MACROD2: variants seen among roughly 807,000 people sequenced by gnomAD.
MACROD2 encodes ADP-ribose glycohydrolase MACROD2.
MACROD2 carries 36 observed loss-of-function variants against 70.4 expected under a neutral mutation model. That is an observed-to-expected ratio of 0.51 (90% CI 0.39 to 0.68). MACROD2 has a LOEUF of 0.68. MACROD2 is among the 30% of genes least tolerant of loss of function. The pLI is 0.00. For synonymous variants in MACROD2, 172 were observed against 178.8 expected (o/e 0.96, Z 0.30); for missense variants, 496 against 538.4 (o/e 0.92, Z 0.78).
At chr20:14,238,391 G>A (rs974339112) in intron 3 of MACROD2, among the ~76,000 whole-genome samples, 23 of 152,022 alleles carry the variant, frequency 1.5e-4, no homozygotes, top group South Asian at 1.2e-3. Context: ...CACACCAGGC[G>A]TTGAAGGAAC....
chr20:14,413,552 A>G (rs1362206074), intron 3 of MACROD2, among the ~76,000 whole-genome samples: 1 of 152,278 alleles, frequency 6.6e-6, no homozygotes, highest in East Asian at 1.9e-4. Flanking sequence ...ATGTAGAAAT[A>G]TATAATCAGG....
intron 7 of MACROD2, among the ~76,000 whole-genome samples, chr20:15,446,427 G>C (rs906127624): frequency 6.6e-6 from 1 of 152,164 alleles, no homozygotes; most frequent in Non-Finnish European, 1.5e-5. Flanking sequence ...TAAAGCAGAG[G>C]CGTTTTGCAA....
chr20:15,703,550 G>C (rs978792604), intron 8 of MACROD2, among the ~76,000 whole-genome samples: 1 of 152,192 alleles, frequency 6.6e-6, no homozygotes, highest in Non-Finnish European at 1.5e-5. Flanking sequence ...CTACTAATAT[G>C]AGTTACTGAT....
intron 6 of MACROD2, among the ~76,000 whole-genome samples, chr20:15,256,366 T>C (rs2077199665): frequency 6.6e-6 from 1 of 152,084 alleles, no homozygotes; most frequent in East Asian, 1.9e-4. Flanking sequence ...CTAGAGTTCT[T>C]GAGCTATTAT....
At chr20:15,852,814 T>C (rs1426202678) in intron 8 of MACROD2, among the ~76,000 whole-genome samples, 1 of 152,170 alleles carries the variant, frequency 6.6e-6, no homozygotes, top group East Asian at 1.9e-4. Flanking sequence ...ATAACCAGCC[T>C]GGGCAACATA....
chr20:15,426,950 C>A (rs182257249), intron 6 of MACROD2, among the ~76,000 whole-genome samples: 103 of 152,254 alleles, frequency 6.8e-4, no homozygotes, highest in African/African-American at 2.5e-3. Context: ...AAACTATGTG[C>A]TGCAAAAGTT....
intron 15 of MACROD2, among the ~76,000 whole-genome samples, chr20:16,039,385 C>A (rs1320127966): frequency 6.6e-6 from 1 of 151,766 alleles, no homozygotes; most frequent in Non-Finnish European, 1.5e-5. Context: ...AATCTCTTGT[C>A]CATTTTCCTA....
intron 5 of MACROD2, among the ~76,000 whole-genome samples, chr20:14,786,943 G>T (rs2072381901): frequency 6.6e-6 from 1 of 152,082 alleles, no homozygotes; most frequent in Non-Finnish European, 1.5e-5. Flanking sequence ...GGGATCCTCA[G>T]AACAGCCACC....
intron 3 of MACROD2, chr20:14,325,400 TA>T: frequency 2.9e-6 from 2 of 690,828 alleles, no homozygotes; most frequent in Non-Finnish European, 4.4e-6. Context: ...AAACTTTTAA[TA>T]AAAAGTTCTT....
chr20:14,660,987 T>C (rs2123533772), intron 4 of MACROD2, among the ~76,000 whole-genome samples: 1 of 152,294 alleles, frequency 6.6e-6, no homozygotes, highest in Admixed American at 6.5e-5. Context: ...GTCTTTGCTA[T>C]TGTGAATAGT....
intron 5 of MACROD2, among the ~76,000 whole-genome samples, chr20:15,006,129 TTATA>T (rs1206706409): frequency 7.2e-6 from 1 of 138,916 alleles, no homozygotes; most frequent in Non-Finnish European, 1.5e-5. Context: ...AGAATGCATT[TTATA>T]TATATATATG....
intron 5 of MACROD2, among the ~76,000 whole-genome samples, chr20:14,963,532 A>G (rs2074603238): frequency 6.6e-6 from 1 of 152,142 alleles, no homozygotes; most frequent in African/African-American, 2.4e-5. Flanking sequence ...GAAAAATGCC[A>G]CTTGTGTTGT....
At chr20:15,869,234 TATATAG>T (rs1257098248) in intron 9 of MACROD2, among the ~76,000 whole-genome samples, 53 of 31,688 alleles carry the variant, frequency 1.7e-3, no homozygotes, top group Middle Eastern at 0.023. Flanking sequence ...TATATATATA[TATATAG>T]AGAGAGAGAG....
chr20:15,090,187 CT>C (rs376302846), intron 5 of MACROD2, among the ~76,000 whole-genome samples: 61 of 128,618 alleles, frequency 4.7e-4, no homozygotes, highest in African/African-American at 1.6e-3. Context: ...TATAATATCA[CT>C]TTGGATAGAT....
chr20:15,581,543 A>G (rs1371829960), intron 8 of MACROD2, among the ~76,000 whole-genome samples: 1 of 152,222 alleles, frequency 6.6e-6, no homozygotes, highest in Non-Finnish European at 1.5e-5. Context: ...GGTAACTGAA[A>G]GGTGTGAAAA....
At chr20:15,725,408 G>T (rs552847067) in intron 8 of MACROD2, among the ~76,000 whole-genome samples, 38 of 152,256 alleles carry the variant, frequency 2.5e-4, no homozygotes, top group Non-Finnish European at 3.8e-4. Context: ...ATACAGGAAA[G>T]CAATTGACTT....
At chr20:14,962,631 A>G (rs999565739) in intron 5 of MACROD2, among the ~76,000 whole-genome samples, 3 of 150,208 alleles carry the variant, frequency 2.0e-5, no homozygotes, top group South Asian at 2.1e-4. Context: ...TAAAAAGAAT[A>G]CCTCCTCTTC....
chr20:15,095,718 C>T (rs978247425), intron 5 of MACROD2, among the ~76,000 whole-genome samples: 4 of 151,782 alleles, frequency 2.6e-5, no homozygotes, highest in South Asian at 2.1e-4. Context: ...GGGGTTTTGC[C>T]GTGTTAGCCG....
chr20:14,656,844 T>G (rs1986001262), intron 4 of MACROD2, among the ~76,000 whole-genome samples: 1 of 152,176 alleles, frequency 6.6e-6, no homozygotes, highest in Admixed American at 6.5e-5. Flanking sequence ...GTCCTCTATT[T>G]TGGGGGGAGA....
Sources: allele counts gnomAD v4.1 joint callset (sites outside exome capture counted in the v4.1 genomes callset), GRCh38; gene constraint gnomAD v4.1.1; transcripts MANE v1.5; gene names NCBI Gene and HGNC (gene_info 2026-07-23, HGNC 2026-07-21).